The following NR2F6 variants were observed in gnomAD, a reference collection of about 807,000 sequenced individuals.
NR2F6 encodes nuclear receptor subfamily 2 group F member 6, also known as ERBA-related gene-2.
NR2F6 carries 16 observed loss-of-function variants against 26.5 expected under a neutral mutation model. The ratio of observed to expected loss-of-function variants is 0.60; its 90% confidence interval spans 0.41 to 0.92. The LOEUF is 0.92. NR2F6 is among the 40% of genes least tolerant of loss of function. The probability of loss-of-function intolerance (pLI) is 0.00; values close to 1 mark genes in which losing one functional copy is unlikely to be tolerated. For synonymous variants in NR2F6, 325 were observed against 305.0 expected, an observed-to-expected ratio of 1.07 and a Z score of -0.68; for missense variants, 536 against 631.7, an observed-to-expected ratio of 0.85 and a Z score of 1.62.
chr19:17,237,557 A>G (rs1328729590), intron 2 of NR2F6, among the ~76,000 whole-genome samples: 1 of 151,942 alleles, frequency 6.6e-6, no homozygotes, highest in African/African-American at 2.4e-5. Flanking sequence ...GATTAGAGGC[A>G]CCTGCCACCA....
Position 17,235,776 on chromosome 19 carries a change from G to C in NR2F6, c.663C>G (p.Pro221=). 2.0e-6 allele frequency: 3 copies of C among 1,496,890 alleles called. No individual in the cohort carries two copies. The highest frequency in any genetic ancestry group is 1.2e-5 in the South Asian group (1 of 80,220). 92.7% of individuals were successfully genotyped at this position (1,496,890 alleles called of 1,614,324 possible). A position where few individuals can be genotyped will look rare whatever the true frequency, so the allele number is the denominator to read the frequency against. Residue 221 remains proline, a synonymous_variant, in exon 3 of 4, where the codon CCC becomes CCG. Transcript: ENST00000291442. This position sits in a 1 kb window ranked among gnomAD's most constrained non-coding sequence, Gnocchi z 5.0. Reference sequence around the variant, plus strand: ...CGGCCACCGGCAGCTCGGGGAAGAAGGGCGCGTGGCGCGCCCACTCCACGG... The same window carrying C: ...CGGCCACCGGCAGCTCGGGGAAGAACGGCGCGTGGCGCGCCCACTCCACGG... ...FSTVEWARHA[P]FFPELPVADQ... is the part of the protein sequence containing the mutation.
chr19:17,235,869 G>GC lies in NR2F6; in HGVS notation c.569dup (p.Gly191ArgfsTer135). 8 of 1,462,590 alleles carry GC rather than the reference G, an allele frequency of 5.5e-6. No individual in the cohort carries two copies. The highest frequency in any genetic ancestry group is 2.6e-5 in the Admixed American group (1 of 38,738). The allele number at this position is 1,462,590 out of a possible 1,614,324, so 90.6% of individuals were successfully genotyped here. A position where few individuals can be genotyped will look rare whatever the true frequency, so the allele number is the denominator to read the frequency against. On this transcript the variant is annotated frameshift_variant, in exon 3 of 4. Coordinates refer to ENST00000291442, the MANE Select transcript of NR2F6 (RefSeq NM_005234.4). LOFTEE classifies it high-confidence loss of function. The surrounding 1 kb of genome is among the most constrained non-coding windows in gnomAD (Gnocchi z 5.0). ...TGCCCAGCACCGCGCCCGCCGCGCC[G>GC]CCCCCTGCGCCGAAGCGTCCGGCCG...
At position 17,231,992 on chromosome 19, in the gene NR2F6, C is replaced by A. The variant is rs1053629233; in HGVS notation, c.*360G>T. 1.7e-5 allele frequency: 5 copies of A among 287,398 alleles called. No homozygotes were observed. Among genetic ancestry groups the A allele is most frequent in the Admixed American group, 5.0e-5 (1 of 20,162 alleles). 17.8% of individuals were successfully genotyped at this position (287,398 alleles called of 1,614,324 possible). Reference sequence around the variant, plus strand: ...GGCACACGCTAGCTACCCCTGCCCACTGGAGCAGCCCCTCTGGCCGACGCC... The same window carrying A: ...GGCACACGCTAGCTACCCCTGCCCAATGGAGCAGCCCCTCTGGCCGACGCC... On this transcript the variant is annotated 3_prime_UTR_variant, in exon 4 of 4. Transcript: ENST00000291442.
Position 17,240,530 on chromosome 19 carries a change from C to T in NR2F6, c.373+141G>A, listed in dbSNP as rs547251777. The T allele has an allele frequency of 7.2e-5, 61 of 845,780 alleles. 1 individual carries two copies. The East Asian group carries it at 9.9e-4, about 14-fold the overall frequency. The allele number at this position is 845,780 out of a possible 1,614,324, so 52.4% of individuals were successfully genotyped here. A position where few individuals can be genotyped will look rare whatever the true frequency, so the allele number is the denominator to read the frequency against. Reference sequence around the variant, plus strand: ...CAGTGGTAATGAGGTTAGCAGGCGCCGGCCCCCACCCTGTGAGGCACCCAG... The same window carrying T: ...CAGTGGTAATGAGGTTAGCAGGCGCTGGCCCCCACCCTGTGAGGCACCCAG... On this transcript the variant is annotated intron_variant, in intron 2 of 3. Transcript: ENST00000291442.
At chr19:17,234,494 A>G (rs1342714346) in intron 3 of NR2F6, among the ~76,000 whole-genome samples, 1 of 152,118 alleles carries the variant, frequency 6.6e-6, no homozygotes, top group Non-Finnish European at 1.5e-5. Flanking sequence ...CCTAGCCCCA[A>G]AGATACCTCT....
chr19:17,237,127 G>A (rs2073443130), intron 2 of NR2F6, among the ~76,000 whole-genome samples: 1 of 152,202 alleles, frequency 6.6e-6, no homozygotes, highest in African/African-American at 2.4e-5. Context: ...GCAGAAGCCA[G>A]GGGCGAACAG....
At chr19:17,243,789 G>C (rs1370905744) in intron 1 of NR2F6, among the ~76,000 whole-genome samples, 1 of 152,076 alleles carries the variant, frequency 6.6e-6, no homozygotes, top group Non-Finnish European at 1.5e-5. Context: ...ACTCCGATCC[G>C]AACTCAGCGG....
At position 17,237,928 on chromosome 19, in the gene NR2F6, C is replaced by T. The variant is rs1248148195; in HGVS notation, c.374-1863G>A. On this transcript the variant is annotated intron_variant, in intron 2 of 3. Transcript: ENST00000291442. ...GCTGAGGCAGGAAGATCGCTTGAGC[C>T]CAGGAGTTTGAGACCAGCCTGGGCA... Among the ~76,000 whole-genome samples, 4 of 152,050 alleles carry T rather than the reference C, an allele frequency of 2.6e-5. No homozygotes were observed. In the East Asian group the frequency reaches 7.7e-4, roughly 29 times the overall value.
intron 2 of NR2F6, among the ~76,000 whole-genome samples, chr19:17,237,561 G>A (rs1302040818): frequency 6.6e-6 from 1 of 152,078 alleles, no homozygotes; most frequent in Non-Finnish European, 1.5e-5. Flanking sequence ...AGAGGCACCT[G>A]CCACCACGCC....
At position 17,245,166 on chromosome 19, in the gene NR2F6, C is replaced by G; in HGVS notation, c.55G>C (p.Asp19His). ...GCGCGCGGGTAGCCGCCCGCCTTGT[C>G]CACGCCGTTCGTGTCGCCGCCGGGG... ...GGPGGDTNGV[D>H]KAGGYPRAAE... The change falls in exon 1 of 4, where the codon GAC (aspartate) becomes CAC (histidine). Residue 19 changes from aspartate to histidine, a missense_variant. Asp to His is a moderately conservative substitution (Grantham distance 81, BLOSUM62 -1). Coordinates refer to ENST00000291442, the MANE Select transcript of NR2F6 (RefSeq NM_005234.4). The surrounding 1 kb of genome is among the most constrained non-coding windows in gnomAD (Gnocchi z 5.0). 7.0e-7 allele frequency: 1 copy of G among 1,419,584 alleles called. No individual in the cohort carries two copies. The highest frequency in any genetic ancestry group is 1.5e-5 in the South Asian group (1 of 67,268). 87.9% of individuals were successfully genotyped at this position (1,419,584 alleles called of 1,614,324 possible). A position where few individuals can be genotyped will look rare whatever the true frequency, so the allele number is the denominator to read the frequency against.
Position 17,235,401 on chromosome 19 carries a change from C to A in NR2F6, c.940+98G>T. On this transcript the variant is annotated intron_variant, in intron 3 of 3. Coordinates refer to ENST00000291442, the MANE Select transcript of NR2F6 (RefSeq NM_005234.4). The surrounding 1 kb of genome is among the most constrained non-coding windows in gnomAD (Gnocchi z 5.0). ...CAGGGCCCCAGGCCTAGGGAGCGAG[C>A]GGGGCGCTATGGGGGCCGGAGTCTG... 3.3e-6 allele frequency: 5 copies of A among 1,497,828 alleles called. No individual in the cohort carries two copies. Among genetic ancestry groups the A allele is most frequent in the Non-Finnish European group, 3.5e-6 (4 of 1,129,754 alleles). The allele number at this position is 1,497,828 out of a possible 1,614,324, so 92.8% of individuals were successfully genotyped here. A position where few individuals can be genotyped will look rare whatever the true frequency, so the allele number is the denominator to read the frequency against.
At position 17,244,963 on chromosome 19, in the gene NR2F6, G is replaced by C. The variant is rs1599458668; in HGVS notation, c.258C>G (p.Arg86=). The change falls in exon 1 of 4, where the codon CGC becomes CGG. Residue 86 remains arginine (R), a synonymous_variant. Transcript: ENST00000291442. The part of the protein sequence containing the change: ...CKSFFKRSIR[R]NLSYTCRSNR... ...CTCACCGGCAGGTGTAGCTGAGGTT[G>C]CGGCGGATGCTTCGCTTGAAAAAGC... 6.4e-7 allele frequency: 1 copy of C among 1,565,592 alleles called. No homozygotes were observed. The highest frequency in any genetic ancestry group is 8.7e-7 in the Non-Finnish European group (1 of 1,155,724).
intron 2 of NR2F6, among the ~76,000 whole-genome samples, chr19:17,238,616 T>C (rs964208446): frequency 1.3e-5 from 2 of 151,980 alleles, no homozygotes; most frequent in African/African-American, 4.8e-5. Context: ...TATGAGGATT[T>C]TAGGTAAAAT....
Position 17,235,767 on chromosome 19 carries a change from G to A in NR2F6, c.672C>T (p.Pro224=), listed in dbSNP as rs1205167283. The A allele has an allele frequency of 2.0e-6, 3 of 1,498,044 alleles. No homozygotes were observed. Among genetic ancestry groups the A allele is most frequent in the Admixed American group, 2.2e-5 (1 of 45,860 alleles). 92.8% of individuals were successfully genotyped at this position (1,498,044 alleles called of 1,614,324 possible). Residue 224 remains proline (P), a synonymous_variant, in exon 3 of 4, where the codon CCC becomes CCT. Coordinates refer to ENST00000291442, the MANE Select transcript of NR2F6 (RefSeq NM_005234.4). The surrounding 1 kb of genome is among the most constrained non-coding windows in gnomAD (Gnocchi z 5.0). Reference sequence around the variant, plus strand: ...CCACCTGGTCGGCCACCGGCAGCTCGGGGAAGAAGGGCGCGTGGCGCGCCC... The same window carrying A: ...CCACCTGGTCGGCCACCGGCAGCTCAGGGAAGAAGGGCGCGTGGCGCGCCC... ...VEWARHAPFF[P]ELPVADQVAL...
chr19:17,239,725 A>G (rs1193487289), intron 2 of NR2F6, among the ~76,000 whole-genome samples: 2 of 152,104 alleles, frequency 1.3e-5, no homozygotes, highest in Non-Finnish European at 2.9e-5. Flanking sequence ...AGGCTGAGGC[A>G]GGACAATCAC....
intron 3 of NR2F6, among the ~76,000 whole-genome samples, chr19:17,233,457 C>A (rs1166283604): frequency 6.6e-6 from 1 of 152,168 alleles, no homozygotes; most frequent in Non-Finnish European, 1.5e-5. Context: ...AGTGATGTTT[C>A]AAGGGTGGCT....
chr19:17,235,980 T>A lies in NR2F6; in HGVS notation c.459A>T (p.Ala153=). ...GGAAGAGGTCTCCGCCGCTCGCCACTGCCGCCAGCGCCGAGCCCGGGGGGC... is the reference window on the plus strand; with the variant it reads ...GGAAGAGGTCTCCGCCGCTCGCCACAGCCGCCAGCGCCGAGCCCGGGGGGC... ...SGSPPGSALA[A]VASGGDLFPG... is the part of the protein sequence containing the mutation. The change falls in exon 3 of 4, where the codon GCA becomes GCT. Residue 153 remains alanine (A), a synonymous_variant. Transcript: ENST00000291442. The surrounding 1 kb of genome is among the most constrained non-coding windows in gnomAD (Gnocchi z 5.0). 1.4e-6 allele frequency: 2 copies of A among 1,465,656 alleles called. No individual in the cohort carries two copies. Among genetic ancestry groups the A allele is most frequent in the Non-Finnish European group, 1.8e-6 (2 of 1,114,630 alleles). The allele number at this position is 1,465,656 out of a possible 1,614,324, so 90.8% of individuals were successfully genotyped here.
chr19:17,233,322 AAACAAAACAAAAC>A (rs2073418265), intron 3 of NR2F6, among the ~76,000 whole-genome samples: 1 of 143,996 alleles, frequency 6.9e-6, no homozygotes, highest in Admixed American at 7.0e-5. Flanking sequence ...AAACAAAACA[AAACAAAACAAAAC>A]AAAACAAAAC....
In NR2F6 at chr19:17,235,931, T is replaced by G; in HGVS notation, c.508A>C (p.Ile170Leu). 4 of 1,480,270 alleles carry G rather than the reference T, an allele frequency of 2.7e-6. No homozygotes were observed. Among genetic ancestry groups the G allele is most frequent in the Non-Finnish European group, 3.6e-6 (4 of 1,122,388 alleles). 91.7% of individuals were successfully genotyped at this position (1,480,270 alleles called of 1,614,324 possible). The change falls in exon 3 of 4, where the codon ATC becomes CTC. Residue 170 changes from isoleucine to leucine, a missense_variant. Ile to Leu is a conservative substitution (Grantham distance 5). Transcript: ENST00000291442. The surrounding 1 kb of genome is among the most constrained non-coding windows in gnomAD (Gnocchi z 5.0). ...LFPGQPVSEL[I>L]AQLLRAEPYP... Reference sequence around the variant, plus strand: ...GGCTCAGCGCGCAGCAGCTGCGCGATCAGTTCGGACACCGGCTGCCCCGGG... The same window carrying G: ...GGCTCAGCGCGCAGCAGCTGCGCGAGCAGTTCGGACACCGGCTGCCCCGGG...
Sources: allele counts gnomAD v4.1 joint callset (sites outside exome capture counted in the v4.1 genomes callset), GRCh38; gene constraint gnomAD v4.1.1; non-coding constraint Gnocchi (gnomAD v3.1); transcripts MANE v1.5; gene names NCBI Gene and HGNC (gene_info 2026-07-23, HGNC 2026-07-21).